SLC12A7: variants seen among roughly 807,000 people sequenced by gnomAD.
The protein encoded by SLC12A7 is K-Cl cotransporter 4.
In SLC12A7, 100 loss-of-function variants were observed where a neutral mutation model predicts 120.6. That is an observed-to-expected ratio of 0.83 (90% CI 0.71 to 0.98). The LOEUF (loss-of-function observed/expected upper bound fraction) is 0.98. Among genes scored for constraint, SLC12A7 ranks in the 50% least tolerant of loss-of-function variants. SLC12A7 has a pLI of 0.00. For synonymous variants in SLC12A7, 760 were observed against 678.0 expected, an observed-to-expected ratio of 1.12 and a Z score of -1.88; for missense variants, 1,373 against 1,548.1, an observed-to-expected ratio of 0.89 and a Z score of 1.90.
chr5:1,075,141 C>A (rs1738183498), intron 15 of SLC12A7, among the ~76,000 whole-genome samples: 1 of 152,222 alleles, frequency 6.6e-6, no homozygotes, highest in African/African-American at 2.4e-5. Context: ...GACAGAGCTC[C>A]AGGCTGGAGA....
Position 1,050,664 on chromosome 5 carries a change from T to G in SLC12A7, c.*1696A>C. 2 of 391,688 alleles carry G rather than the reference T, an allele frequency of 5.1e-6. No homozygotes were observed. 24.3% of individuals were successfully genotyped at this position (391,688 alleles called of 1,614,324 possible). A position where few individuals can be genotyped will look rare whatever the true frequency, so the allele number is the denominator to read the frequency against. ...GCCAGCACCATGTGGCCGCTGTGCC[T>G]CTAGCCTGCTCTCCTCCAGGTGCAG... On this transcript the variant is annotated 3_prime_UTR_variant, in exon 24 of 24. Coordinates refer to ENST00000264930, the MANE Select transcript of SLC12A7 (RefSeq NM_006598.3).
intron 8 of SLC12A7, 35 bp downstream of exon 8, chr5:1,083,710 C>A: frequency 6.3e-7 from 1 of 1,594,438 alleles, no homozygotes; most frequent in African/African-American, 1.3e-5. Flanking sequence ...GCCCCCGCCA[C>A]CCCCCAGCTC....
intron 3 of SLC12A7, 66 bp downstream of exon 3, chr5:1,093,467 G>A: frequency 2.5e-6 from 3 of 1,215,926 alleles, no homozygotes; most frequent in Non-Finnish European, 3.3e-6. Flanking sequence ...TGCCTTGCCG[G>A]CGTGATCTAA....
the SLC12A7 span, among the ~76,000 whole-genome samples, chr5:1,153,544 C>T: frequency 6.6e-6 from 1 of 152,348 alleles, no homozygotes; most frequent in Admixed American, 6.5e-5. Flanking sequence ...GTCGGCCCGA[C>T]TCAGGACCCT....
At chr5:1,067,090 GC>G (rs1737134481) in intron 17 of SLC12A7, among the ~76,000 whole-genome samples, 1 of 152,008 alleles carries the variant, frequency 6.6e-6, no homozygotes, top group Admixed American at 6.6e-5. Flanking sequence ...TTCTCCCACG[GC>G]CCCACTCCTC....
At chr5:1,054,436 C>G (rs1000041260) in intron 22 of SLC12A7, among the ~76,000 whole-genome samples, 1 of 152,226 alleles carries the variant, frequency 6.6e-6, no homozygotes, top group Non-Finnish European at 1.5e-5. Flanking sequence ...TCCTCTACCC[C>G]ACGGTCCCCT....
the SLC12A7 span, among the ~76,000 whole-genome samples, chr5:1,136,354 G>A: frequency 6.7e-6 from 1 of 149,422 alleles, no homozygotes; most frequent in South Asian, 2.1e-4. Context: ...GCACACACGT[G>A]CTCAGACACC....
the SLC12A7 span, among the ~76,000 whole-genome samples, chr5:1,128,851 T>C: frequency 7.5e-4 from 114 of 152,332 alleles, 1 homozygote; most frequent in East Asian, 0.019. Flanking sequence ...TACACACATA[T>C]GTGCACACAC....
chr5:1,054,772 T>C (rs1735433106), intron 22 of SLC12A7, among the ~76,000 whole-genome samples: 1 of 152,226 alleles, frequency 6.6e-6, no homozygotes, highest in African/African-American at 2.4e-5. Context: ...AACGTGATCA[T>C]AACCACCAAT....
the SLC12A7 span, among the ~76,000 whole-genome samples, chr5:1,143,159 G>A: frequency 2.1e-4 from 32 of 152,346 alleles, no homozygotes; most frequent in Admixed American, 5.2e-4. Context: ...AGGATCACCT[G>A]CGGAAGGTGG....
the SLC12A7 span, among the ~76,000 whole-genome samples, chr5:1,145,234 C>T: frequency 6.6e-6 from 1 of 152,402 alleles, no homozygotes; most frequent in African/African-American, 2.4e-5. This position sits in a 1 kb window ranked among gnomAD's most constrained non-coding sequence, Gnocchi z 4.4. Context: ...GGGGCCGCTG[C>T]CAGTGGGCCT....
At chr5:1,124,732 C>T in the SLC12A7 span, among the ~76,000 whole-genome samples, 4 of 152,130 alleles carry the variant, frequency 2.6e-5, no homozygotes, top group Non-Finnish European at 4.4e-5. Context: ...GACACTGGGG[C>T]GACGACCGTG....
At position 1,077,951 on chromosome 5, in the gene SLC12A7, G is replaced by A. The variant is rs753929498; in HGVS notation, c.1511C>T (p.Pro504Leu). The part of the protein sequence containing the change: ...LVIGMLAWPS[P>L]WVIVIGSFFS... Reference sequence around the variant, plus strand: ...GAAGGAGCCGATGACGATGACCCAGGGGGAGGGCCAGGCCAGCATGCCGAT... The same window carrying A: ...GAAGGAGCCGATGACGATGACCCAGAGGGAGGGCCAGGCCAGCATGCCGAT... Residue 504 changes from proline (P) to leucine (L), a missense_variant, in exon 12 of 24, where the codon CCC becomes CTC. Pro to Leu is a moderately conservative substitution (Grantham distance 98, BLOSUM62 -3). Coordinates refer to ENST00000264930, the MANE Select transcript of SLC12A7 (RefSeq NM_006598.3). The A allele has an allele frequency of 6.2e-7, 1 of 1,600,660 alleles. No individual in the cohort carries two copies. Among genetic ancestry groups the A allele is most frequent in the African/African-American group, 1.3e-5 (1 of 74,626 alleles).
intron 3 of SLC12A7, among the ~76,000 whole-genome samples, chr5:1,090,075 G>A (rs917186078): frequency 6.6e-6 from 1 of 152,272 alleles, no homozygotes; most frequent in African/African-American, 2.4e-5. Context: ...GATCAGAACA[G>A]GCCCCGTGCG....
intron 21 of SLC12A7, among the ~76,000 whole-genome samples, chr5:1,058,580 C>T (rs1417531629): frequency 2.0e-5 from 3 of 152,234 alleles, no homozygotes; most frequent in African/African-American, 7.2e-5. Context: ...AGAGTGATTT[C>T]ACTGGACCAG....
chr5:1,079,350 C>G, intron 10 of SLC12A7, 48 bp downstream of exon 10: 1 of 1,450,610 alleles, frequency 6.9e-7, no homozygotes, highest in Admixed American at 1.7e-5. Context: ...ATGGGGGCCT[C>G]CCCCCAGGCA....
In SLC12A7 at chr5:1,050,564, G is replaced by A. The variant is rs1161568101; in HGVS notation, c.*1796C>T. On this transcript the variant is annotated 3_prime_UTR_variant, in exon 24 of 24. Transcript: ENST00000264930. ...GGGCGGGGGCAGAGCTGAGCCCTCA[G>A]GAGGTGGTTTCGTGTGCAGAACTGA... is the stretch of plus-strand genomic sequence containing the variant. 3.3e-5 allele frequency: 10 copies of A among 307,332 alleles called. No individual in the cohort carries two copies. Among genetic ancestry groups the A allele is most frequent in the South Asian group, 1.6e-4 (1 of 6,242 alleles). The allele number at this position is 307,332 out of a possible 1,614,324, so 19.0% of individuals were successfully genotyped here.
At chr5:1,101,482 C>T (rs1742007652) in intron 1 of SLC12A7, among the ~76,000 whole-genome samples, 1 of 152,144 alleles carries the variant, frequency 6.6e-6, no homozygotes, top group African/African-American at 2.4e-5. Context: ...TCCCAATAGC[C>T]AGCAAAGGCC....
chr5:1,064,748 G>T (rs1303696508), intron 18 of SLC12A7, among the ~76,000 whole-genome samples: 2 of 149,012 alleles, frequency 1.3e-5, no homozygotes, highest in Admixed American at 1.3e-4. Flanking sequence ...CGAGGGGACG[G>T]CGAGGAGACG....
Sources: allele counts gnomAD v4.1 joint callset (sites outside exome capture counted in the v4.1 genomes callset), GRCh38; gene constraint gnomAD v4.1.1; non-coding constraint Gnocchi (gnomAD v3.1); transcripts MANE v1.5; gene names NCBI Gene and HGNC (gene_info 2026-07-23, HGNC 2026-07-21).